Variants in PDE4C observed in about 807,000 individuals in gnomAD.
The protein encoded by PDE4C is phosphodiesterase 4C.
Under a neutral mutation model 63.9 loss-of-function variants are expected in PDE4C, and 50 were observed. The ratio of observed to expected loss-of-function variants is 0.78; its 90% CI spans 0.62 to 0.99. PDE4C has a LOEUF of 0.99. Ranked by LOEUF, PDE4C falls within the 50% of genes least tolerant of loss-of-function variation. PDE4C has a pLI of 0.00. For synonymous variants in PDE4C, 377 were observed against 385.1 expected, an observed-to-expected ratio of 0.98 and a Z score of 0.25; for missense variants, 777 against 899.1, an observed-to-expected ratio of 0.86 and a Z score of 1.74.
chr19:18,236,817 C>T (rs996486197), upstream of PDE4C: 4 of 152,674 alleles, frequency 2.6e-5, no homozygotes, highest in African/African-American at 9.6e-5. Flanking sequence ...TGCTCTTCCT[C>T]TCCTGGGGCC....
exon 1 of PDE4C, chr19:18,226,419 C>T (rs1968728909): frequency 7.0e-7 from 1 of 1,423,724 alleles, no homozygotes. Context: ...CCTGCATCGC[C>T]AGGACTGCGT....
upstream of PDE4C, among the ~76,000 whole-genome samples, chr19:18,252,819 T>G (rs1375156784): frequency 6.6e-6 from 1 of 152,126 alleles, no homozygotes; most frequent in Non-Finnish European, 1.5e-5. Flanking sequence ...GCTGGCCAGA[T>G]TTGTCTCGAA....
chr19:18,244,832 CT>C (rs1969103965), intron 1 of PDE4C, among the ~76,000 whole-genome samples: 1 of 146,876 alleles, frequency 6.8e-6, no homozygotes, highest in Admixed American at 6.8e-5. Flanking sequence ...CTTTTTCTTT[CT>C]TTCTTTTTTT....
chr19:18,231,883 G>A (rs560516074), intron 1 of PDE4C, among the ~76,000 whole-genome samples: 4 of 152,008 alleles, frequency 2.6e-5, no homozygotes, highest in South Asian at 4.1e-4. Context: ...CAACTTACAC[G>A]AAACAGGAGA....
chr19:18,210,824 G>A, exon 15 of PDE4C: 1 of 1,496,782 alleles, frequency 6.7e-7, no homozygotes, highest in Non-Finnish European at 8.9e-7. Context: ...AAATGGGTGG[G>A]AAAGTGAAGC....
chr19:18,231,239 G>A (rs142063338), upstream of PDE4C, among the ~76,000 whole-genome samples: 355 of 152,280 alleles, frequency 2.3e-3, 1 homozygote, highest in African/African-American at 8.3e-3. Context: ...GCTCATCCAC[G>A]TATGTGTGAC....
intron 1 of PDE4C, among the ~76,000 whole-genome samples, chr19:18,247,650 G>A (rs1429623660): frequency 6.6e-6 from 1 of 152,114 alleles, no homozygotes; most frequent in Non-Finnish European, 1.5e-5. Context: ...CATGGCCTGG[G>A]CCACCCCCAC....
At chr19:18,225,760 C>G (rs1310905130) in intron 1 of PDE4C, 1 of 154,190 alleles carries the variant, frequency 6.5e-6, no homozygotes, top group Non-Finnish European at 1.4e-5. Flanking sequence ...CGCCCTGCCT[C>G]GAAAACCCCC....
chr19:18,220,946 G>A lies in PDE4C; in HGVS notation c.450-23C>T. Reference sequence around the variant, plus strand: ...TGCCTGCGGTACAGCAGCCTCAGGCGTGGCTGCTCCGCCCATCTCGCCCCG... The same window carrying A: ...TGCCTGCGGTACAGCAGCCTCAGGCATGGCTGCTCCGCCCATCTCGCCCCG... On this transcript the variant is annotated intron_variant, in intron 4 of 14. Coordinates refer to ENST00000262805, the Ensembl canonical transcript of PDE4C. This position sits in a 1 kb window ranked among gnomAD's most constrained non-coding sequence, Gnocchi z 5.1. 1.3e-6 allele frequency: 2 copies of A among 1,593,308 alleles called. No homozygotes were observed. The highest frequency in any genetic ancestry group is 1.7e-6 in the Non-Finnish European group (2 of 1,171,910).
At chr19:18,249,589 T>TTTA (rs1485872102), upstream of PDE4C, among the ~76,000 whole-genome samples, 1 of 151,000 alleles carries the variant, frequency 6.6e-6, no homozygotes, top group African/African-American at 2.4e-5. Flanking sequence ...TTTTTTTTTT[T>TTTA]TTGAGATGGA....
rs766204330 is a variant in PDE4C at position 18,218,890 on chromosome 19, G to A, written c.969+50C>T. ...CCTGAGGTCTGTGGTAGGAAGCAGT[G>A]AGGGAAACCCCAGGAGTTTTTCCTT... On this transcript the variant is annotated intron_variant, in intron 9 of 14. Coordinates refer to ENST00000262805, the Ensembl canonical transcript of PDE4C. 1.3e-5 allele frequency: 17 copies of A among 1,305,264 alleles called. No homozygotes were observed. In the African/African-American group the frequency reaches 2.2e-4, roughly 17 times the overall value. 80.9% of individuals were successfully genotyped at this position (1,305,264 alleles called of 1,614,324 possible). A position where few individuals can be genotyped will look rare whatever the true frequency, so the allele number is the denominator to read the frequency against.
At chr19:18,229,993 C>T (rs1392439298), upstream of PDE4C, among the ~76,000 whole-genome samples, 1 of 152,160 alleles carries the variant, frequency 6.6e-6, no homozygotes, top group Non-Finnish European at 1.5e-5. Flanking sequence ...ATGCTTGTCG[C>T]CTGCTGATGC....
At chr19:18,233,235 C>G in exon 1 of PDE4C, 4 of 1,545,464 alleles carry the variant, frequency 2.6e-6, no homozygotes, top group Non-Finnish European at 3.5e-6. Context: ...CAGGACTCGT[C>G]CCCGTGAGCG....
chr19:18,226,897 C>T (rs146231897), upstream of PDE4C, among the ~76,000 whole-genome samples: 399 of 152,172 alleles, frequency 2.6e-3, no homozygotes, highest in African/African-American at 8.8e-3. Context: ...TGAGCCATTG[C>T]GCCAGGCCCA....
chr19:18,251,841 G>A (rs1281125833), upstream of PDE4C, among the ~76,000 whole-genome samples: 1 of 151,982 alleles, frequency 6.6e-6, no homozygotes, highest in African/African-American at 2.4e-5. Flanking sequence ...ACCACAGCAA[G>A]TATTAGTTTC....
At chr19:18,228,909 A>ATTTAT (rs552298956), upstream of PDE4C, among the ~76,000 whole-genome samples, 394 of 151,974 alleles carry the variant, frequency 2.6e-3, 1 homozygote, top group Non-Finnish European at 4.1e-3. Context: ...TGGTGCCTTT[A>ATTTAT]TTTATTTTAT....
At chr19:18,230,805 C>A (rs1464331984), upstream of PDE4C, among the ~76,000 whole-genome samples, 1 of 152,164 alleles carries the variant, frequency 6.6e-6, no homozygotes, top group Admixed American at 6.5e-5. Flanking sequence ...CAACCTGTGC[C>A]TTCTCCACCT....
chr19:18,223,737 C>T (rs558122301), intron 1 of PDE4C, among the ~76,000 whole-genome samples: 15 of 152,324 alleles, frequency 9.8e-5, no homozygotes, highest in Admixed American at 4.6e-4. Flanking sequence ...ACTGGATGAC[C>T]ATATTGCAAA....
At chr19:18,222,068 G>A in intron 2 of PDE4C, 64 bp downstream of exon 2, 1 of 1,423,258 alleles carries the variant, frequency 7.0e-7, no homozygotes, top group African/African-American at 1.4e-5. Context: ...GGAGCTTGCT[G>A]AATAGAGGAA....
Sources: allele counts gnomAD v4.1 joint callset (sites outside exome capture counted in the v4.1 genomes callset), GRCh38; gene constraint gnomAD v4.1.1; non-coding constraint Gnocchi (gnomAD v3.1); transcripts MANE v1.5; gene names NCBI Gene and HGNC (gene_info 2026-07-23, HGNC 2026-07-21).